PCDHAC1: variants seen among roughly 807,000 people sequenced by gnomAD.
The protein encoded by PCDHAC1 is protocadherin alpha-C1.
Under a neutral mutation model 60.0 loss-of-function variants are expected in PCDHAC1, and 42 were observed. That is an observed-to-expected ratio of 0.70 (90% confidence interval 0.55 to 0.90). The LOEUF (loss-of-function observed/expected upper bound fraction) is 0.90, where lower values mean the gene tolerates loss of function less well. PCDHAC1 is among the 40% of genes least tolerant of loss of function. The probability of loss-of-function intolerance (pLI) is 0.00; values close to 1 mark genes in which losing one functional copy is unlikely to be tolerated. For missense variants in PCDHAC1, 1,160 were observed against 1,222.3 expected (o/e 0.95, Z 0.76); for synonymous variants, 468 against 499.3 (o/e 0.94, Z 0.84).
chr5:140,974,419 C>T (rs998974699), intron 1 of PCDHAC1, among the ~76,000 whole-genome samples: 1 of 152,208 alleles, frequency 6.6e-6, no homozygotes, highest in African/African-American at 2.4e-5. Flanking sequence ...GTTTATTTTA[C>T]TTTCCTGGTT....
In PCDHAC1 at chr5:140,928,040, GC is replaced by G. The variant is rs782389793; in HGVS notation, c.1151del (p.Pro384LeufsTer4). The G allele has an allele frequency of 2.1e-4, 337 of 1,614,060 alleles. 1 individual carries two copies. Among genetic ancestry groups the G allele is most frequent in the Non-Finnish European group, 2.6e-4 (309 of 1,180,038 alleles). ...GTCATTTGTGGCATGTCTAGTGCAG[GC>G]CCTTTTCAGCTGACGGCTTCCTTTG... is the stretch of plus-strand genomic sequence containing the variant. The part of the protein sequence containing the change: ...GRVICGMSSA[G>X]PFQLTASFDN... On this transcript the variant is annotated frameshift_variant, in exon 1 of 4. Coordinates refer to ENST00000253807, the MANE Select transcript of PCDHAC1 (RefSeq NM_018898.5). LOFTEE classifies it high-confidence loss of function.
At position 140,928,791 on chromosome 5, in the gene PCDHAC1, G is replaced by A; in HGVS notation, c.1899G>A (p.Arg633=). The change falls in exon 1 of 4, where the codon AGG becomes AGA. Residue 633 remains arginine, a synonymous_variant. Coordinates refer to ENST00000253807, the MANE Select transcript of PCDHAC1 (RefSeq NM_018898.5). ...LVLPTDAVKQ[R]VVVVVRDHGD... is the part of the protein sequence containing the mutation. ...TTCCCACTGATGCAGTTAAGCAGAG[G>A]GTGGTGGTAGTGGTTCGGGACCATG... 6.2e-7 allele frequency: 1 copy of A among 1,614,138 alleles called. No homozygotes were observed. Among genetic ancestry groups the A allele is most frequent in the South Asian group, 1.1e-5 (1 of 91,088 alleles).
rs1272799738 is a variant in PCDHAC1 at position 140,969,033 on chromosome 5, T to C, written c.2434-9916T>C. On this transcript the variant is annotated intron_variant, in intron 1 of 3. Coordinates refer to ENST00000253807, the MANE Select transcript of PCDHAC1 (RefSeq NM_018898.5). ...GTAAGGGAAAGGTCCCCTGCAGAAC[T>C]GTACAAACAAGCCAACAACAATATT... 5 of 1,614,028 alleles carry C rather than the reference T, an allele frequency of 3.1e-6. No individual in the cohort carries two copies. Among genetic ancestry groups the C allele is most frequent in the Admixed American group, 3.3e-5 (2 of 60,006 alleles).
At chr5:140,974,879 A>G (rs1259634156) in intron 1 of PCDHAC1, among the ~76,000 whole-genome samples, 1 of 152,212 alleles carries the variant, frequency 6.6e-6, no homozygotes, top group Non-Finnish European at 1.5e-5. Flanking sequence ...CAGTCTATGT[A>G]TCCCTTTTCT....
chr5:141,007,377 A>C (rs13186204), intron 3 of PCDHAC1, among the ~76,000 whole-genome samples: 7,611 of 136,554 alleles, frequency 0.056, 239 homozygotes, highest in South Asian at 0.11. Flanking sequence ...ATGATGGAAC[A>C]CCATCTCTAC....
At chr5:140,979,525 T>A (rs1347519268) in intron 2 of PCDHAC1, among the ~76,000 whole-genome samples, 1 of 152,244 alleles carries the variant, frequency 6.6e-6, no homozygotes, top group Non-Finnish European at 1.5e-5. Flanking sequence ...TGTTGCTATC[T>A]TATTGTCATC....
At chr5:140,955,506 G>A (rs781377705) in intron 1 of PCDHAC1, among the ~76,000 whole-genome samples, 3 of 152,222 alleles carry the variant, frequency 2.0e-5, no homozygotes, top group South Asian at 2.1e-4. Flanking sequence ...GAAGAAAGAC[G>A]TGTTTGCTTT....
chr5:141,011,662 G>C lies in PCDHAC1; in HGVS notation c.*1725G>C, dbSNP rs1166635893. On this transcript the variant is annotated 3_prime_UTR_variant, in exon 4 of 4. Coordinates refer to ENST00000253807, the MANE Select transcript of PCDHAC1 (RefSeq NM_018898.5). The stretch of plus-strand genomic sequence containing the variant: ...CAAGACTTCTGCTGGCAAGGGAATG[G>C]ATAAAGCTGTTTTGTTCTAGTAACA... 2.0e-5 allele frequency: 3 copies of C among 153,688 alleles called. No homozygotes were observed. Among genetic ancestry groups the C allele is most frequent in the African/African-American group, 7.2e-5 (3 of 41,414 alleles). The allele number at this position is 153,688 out of a possible 1,614,324, so 9.5% of individuals were successfully genotyped here.
At chr5:140,969,982 G>A (rs1327490843) in intron 1 of PCDHAC1, among the ~76,000 whole-genome samples, 1 of 152,184 alleles carries the variant, frequency 6.6e-6, no homozygotes, top group Non-Finnish European at 1.5e-5. Context: ...CAACTCTTCT[G>A]TAGAGGGCTG....
intron 1 of PCDHAC1, among the ~76,000 whole-genome samples, chr5:140,938,703 T>A: frequency 6.6e-6 from 1 of 152,170 alleles, no homozygotes; most frequent in East Asian, 1.9e-4. Flanking sequence ...AAATATATGT[T>A]TATGATAGAA....
At chr5:140,931,783 T>A (rs2087751344) in intron 1 of PCDHAC1, among the ~76,000 whole-genome samples, 1 of 151,996 alleles carries the variant, frequency 6.6e-6, no homozygotes, top group African/African-American at 2.4e-5. Context: ...TTCAATTACC[T>A]ATTGATCTGA....
At chr5:140,966,753 C>T in intron 1 of PCDHAC1, 1 of 1,433,176 alleles carries the variant, frequency 7.0e-7, no homozygotes, top group South Asian at 1.5e-5. Context: ...CTGCCTCCGC[C>T]GCGGCCAGTG....
At chr5:140,965,609 G>T (rs568507618) in intron 1 of PCDHAC1, among the ~76,000 whole-genome samples, 9 of 151,736 alleles carry the variant, frequency 5.9e-5, no homozygotes, top group Admixed American at 2.0e-4. Context: ...TGAAGACATT[G>T]TCATCCATTA....
intron 3 of PCDHAC1, among the ~76,000 whole-genome samples, chr5:141,004,378 G>C (rs914260481): frequency 6.6e-6 from 1 of 152,316 alleles, no homozygotes; most frequent in South Asian, 2.1e-4. Context: ...TCTGCTCTGC[G>C]GAAGCTGGAC....
chr5:140,957,254 A>T (rs2095344725), intron 1 of PCDHAC1, among the ~76,000 whole-genome samples: 1 of 152,192 alleles, frequency 6.6e-6, no homozygotes, highest in Non-Finnish European at 1.5e-5. Flanking sequence ...TAAAATTTAA[A>T]TATGTAAGCA....
In PCDHAC1 at chr5:140,927,089, TC is replaced by T; in HGVS notation, c.198del (p.Phe66LeufsTer30). Reference protein sequence around the residue: ...RFLSSHRELYFGVDLPSGNLV... With the variant: ...RFLSSHRELYXGVDLPSGNLV... ...CTTTCCAGCCACCGCGAGCTCTACT[TC>T]GGGGTGGATCTACCCAGCGGCAATT... On this transcript the variant is annotated frameshift_variant, in exon 1 of 4. Coordinates refer to ENST00000253807, the MANE Select transcript of PCDHAC1 (RefSeq NM_018898.5). LOFTEE classifies it high-confidence loss of function. The T allele has an allele frequency of 6.2e-7, 1 of 1,612,460 alleles. No homozygotes were observed. The highest frequency in any genetic ancestry group is 8.5e-7 in the Non-Finnish European group (1 of 1,178,832).
intron 3 of PCDHAC1, among the ~76,000 whole-genome samples, chr5:140,998,540 T>TA (rs1304307081): frequency 6.6e-6 from 1 of 151,542 alleles, no homozygotes; most frequent in African/African-American, 2.4e-5. Context: ...CCCTAATTCC[T>TA]AATTTAATGT....
At chr5:141,002,331 C>T (rs550513057) in intron 3 of PCDHAC1, among the ~76,000 whole-genome samples, 1 of 152,372 alleles carries the variant, frequency 6.6e-6, no homozygotes, top group South Asian at 2.1e-4. Context: ...CGGGCTGCAT[C>T]CGCACCCCTT....
chr5:140,963,932 A>C (rs564788639), intron 1 of PCDHAC1, among the ~76,000 whole-genome samples: 74 of 152,352 alleles, frequency 4.9e-4, no homozygotes, highest in African/African-American at 1.6e-3. Context: ...ACATGTCCAT[A>C]GCCAAACAGT....
Sources: allele counts gnomAD v4.1 joint callset (sites outside exome capture counted in the v4.1 genomes callset), GRCh38; gene constraint gnomAD v4.1.1; transcripts MANE v1.5; gene names NCBI Gene and HGNC (gene_info 2026-07-23, HGNC 2026-07-21).